The following CFAP263 variants were observed in gnomAD, a reference collection of about 807,000 sequenced individuals.
CFAP263 encodes the protein cilia- and flagella-associated protein 263.
chr16:58,279,496 G>T, the CFAP263 span, among the ~76,000 whole-genome samples: 1 of 151,916 alleles, frequency 6.6e-6, no homozygotes, highest in East Asian at 1.9e-4. Context: ...AAAATCTTCC[G>T]GTGGGTGCTG....
chr16:58,261,366 G>A, the CFAP263 span, among the ~76,000 whole-genome samples: 1 of 152,214 alleles, frequency 6.6e-6, no homozygotes, highest in Non-Finnish European at 1.5e-5. Context: ...GTACTTGGAG[G>A]TTCATGCAAG....
chr16:58,274,024 G>A, the CFAP263 span, among the ~76,000 whole-genome samples: 3 of 152,346 alleles, frequency 2.0e-5, no homozygotes, highest in African/African-American at 7.2e-5. Context: ...TAAGCTTACA[G>A]CTGGTCTACT....
chr16:58,272,238 G>A, the CFAP263 span, among the ~76,000 whole-genome samples: 8 of 151,794 alleles, frequency 5.3e-5, no homozygotes, highest in East Asian at 9.7e-4. Flanking sequence ...GGATGGTCTC[G>A]ATCTCCTGAC....
At chr16:58,281,195 G>A in the CFAP263 span, 49 of 172,284 alleles carry the variant, frequency 2.8e-4, no homozygotes, top group South Asian at 3.3e-3. Context: ...CTGGCTGGCC[G>A]TGCTCTGGGT....
chr16:58,269,375 T>TAAA, the CFAP263 span, among the ~76,000 whole-genome samples: 1 of 28,022 alleles, frequency 3.6e-5, no homozygotes, highest in East Asian at 6.4e-4. Context: ...CATTTATTTA[T>TAAA]AAGAAGAAAG....
the CFAP263 span, chr16:58,280,587 CAG>C: frequency 1.9e-6 from 3 of 1,614,106 alleles, no homozygotes; most frequent in Non-Finnish European, 2.5e-6. Context: ...GGAGTGAGGA[CAG>C]GGGAGGGCCG....
chr16:58,259,511 T>A, the CFAP263 span, among the ~76,000 whole-genome samples: 3 of 152,228 alleles, frequency 2.0e-5, no homozygotes, highest in African/African-American at 7.2e-5. Flanking sequence ...AATCCTAATA[T>A]GTTAACAGTA....
the CFAP263 span, among the ~76,000 whole-genome samples, chr16:58,256,123 G>A: frequency 2.0e-5 from 3 of 152,284 alleles, no homozygotes; most frequent in South Asian, 2.1e-4. Flanking sequence ...AATCACACTC[G>A]TCTCAAGAGG....
At chr16:58,274,613 T>C in the CFAP263 span, among the ~76,000 whole-genome samples, 1 of 152,226 alleles carries the variant, frequency 6.6e-6, no homozygotes. Flanking sequence ...CTGCATGTGC[T>C]CTCACTCCTG....
At chr16:58,252,820 A>G in the CFAP263 span, 2 of 1,613,964 alleles carry the variant, frequency 1.2e-6, no homozygotes, top group Non-Finnish European at 1.7e-6. Context: ...CACGATTATC[A>G]GAAATTAAAA....
the CFAP263 span, chr16:58,281,687 A>G: frequency 1.3e-5 from 2 of 152,232 alleles, no homozygotes; most frequent in African/African-American, 4.8e-5. Flanking sequence ...AGGCAATGAC[A>G]TGTTGCTCTC....
chr16:58,280,832 C>G, the CFAP263 span: 1,904 of 1,365,158 alleles, frequency 1.4e-3, 37 homozygotes, highest in African/African-American at 0.025. Flanking sequence ...GTGCAATATA[C>G]TGTTTGTTCT....
chr16:58,279,593 G>C, the CFAP263 span: 3 of 972,206 alleles, frequency 3.1e-6, no homozygotes, highest in Non-Finnish European at 4.5e-6. Context: ...GCTGGATGAG[G>C]GCTGCATTCT....
At chr16:58,261,520 G>A in the CFAP263 span, among the ~76,000 whole-genome samples, 3 of 152,160 alleles carry the variant, frequency 2.0e-5, no homozygotes, top group South Asian at 2.1e-4. Flanking sequence ...GCAGTGTCAC[G>A]AGAAAAGGTG....
At chr16:58,258,930 A>T in the CFAP263 span, among the ~76,000 whole-genome samples, 2 of 152,044 alleles carry the variant, frequency 1.3e-5, no homozygotes, top group African/African-American at 4.8e-5. Context: ...GTGAGCCAAG[A>T]TCATGCCACT....
At chr16:58,259,761 T>A in the CFAP263 span, 1 of 680,770 alleles carries the variant, frequency 1.5e-6, no homozygotes, top group Non-Finnish European at 2.5e-6. Flanking sequence ...GCTCAAGGTT[T>A]GGTTTGCAGC....
chr16:58,271,210 GC>G, the CFAP263 span, among the ~76,000 whole-genome samples: 3 of 152,118 alleles, frequency 2.0e-5, no homozygotes, highest in African/African-American at 7.2e-5. Flanking sequence ...AGGTCTGCCA[GC>G]AATGACTTCT....
the CFAP263 span, chr16:58,262,530 A>G: frequency 1.6e-5 from 25 of 1,605,836 alleles, no homozygotes; most frequent in African/African-American, 9.4e-5. Context: ...CAGGTTCTCA[A>G]TGCCTACAAA....
chr16:58,267,708 A>G, the CFAP263 span: 23 of 636,372 alleles, frequency 3.6e-5, no homozygotes. Context: ...CTAGACAATA[A>G]AAATCAAAAT....
Sources: gnomAD v4.1 joint callset for allele counts (sites outside exome capture counted in the v4.1 genomes callset) on GRCh38, gnomAD v4.1.1 for gene constraint, MANE v1.5 for transcripts, NCBI Gene and HGNC (gene_info 2026-07-23, HGNC 2026-07-21) for gene names.